BBX: variants seen among roughly 807,000 people sequenced by gnomAD.
BBX encodes the protein BBX high mobility group box domain containing, also known as HMG box transcription factor BBX.
In BBX, 30 loss-of-function variants were observed where a neutral mutation model predicts 100.2. The ratio of observed to expected loss-of-function variants is 0.30; its 90% CI spans 0.22 to 0.41. The LOEUF is 0.41. BBX is among the 10% of genes least tolerant of loss of function. BBX has a pLI of 1.00. For synonymous variants in BBX, 376 were observed against 388.1 expected (o/e 0.97, Z 0.37); for missense variants, 1,023 against 1,129.8 (o/e 0.91, Z 1.35).
chr3:107,597,428 A>C (rs1383219605), intron 2 of BBX, among the ~76,000 whole-genome samples: 2 of 152,220 alleles, frequency 1.3e-5, no homozygotes, highest in Non-Finnish European at 2.9e-5. Flanking sequence ...GCTTTGAAAA[A>C]TATTAGAGAT....
chr3:107,661,985 A>G (rs914797519), intron 3 of BBX: 3 of 827,008 alleles, frequency 3.6e-6, no homozygotes, highest in Non-Finnish European at 4.4e-6. Context: ...CTGTTCACGC[A>G]GCATAGTTGG....
intron 3 of BBX, among the ~76,000 whole-genome samples, chr3:107,686,787 G>A (rs2059875130): frequency 6.6e-6 from 1 of 152,090 alleles, no homozygotes; most frequent in Non-Finnish European, 1.5e-5. Flanking sequence ...CAGTTGTGGT[G>A]TTCACATTTT....
intron 2 of BBX, among the ~76,000 whole-genome samples, chr3:107,639,611 A>T (rs192931958): frequency 1.3e-5 from 2 of 152,120 alleles, no homozygotes; most frequent in South Asian, 4.2e-4. Context: ...CATTGATACA[A>T]TTCATAGGAG....
chr3:107,750,277 A>G (rs1044203956), intron 9 of BBX, among the ~76,000 whole-genome samples: 2 of 152,200 alleles, frequency 1.3e-5, no homozygotes, highest in African/African-American at 4.8e-5. Context: ...GCTATAAAGT[A>G]TATGCAGGAT....
chr3:107,594,227 C>T lies in BBX; in HGVS notation c.-83-51609C>T, dbSNP rs950928287. Among the ~76,000 whole-genome samples, 7 of 152,240 alleles carry T rather than the reference C, an allele frequency of 4.6e-5. No individual in the cohort carries two copies. In the South Asian group the frequency reaches 1.5e-3, roughly 32 times the overall value. On this transcript the variant is annotated intron_variant, in intron 2 of 17. Coordinates refer to ENST00000325805, the MANE Select transcript of BBX (RefSeq NM_001142568.3). ...GGCTGTTTCCCTTTCCTCCCCCTGT[C>T]TAGTAGCTGATATTTTTTCACGTTC...
chr3:107,739,563 C>T (rs1226092302), intron 7 of BBX, among the ~76,000 whole-genome samples: 8 of 152,136 alleles, frequency 5.3e-5, no homozygotes, highest in African/African-American at 1.4e-4. Flanking sequence ...ACACATCCTC[C>T]GTAAGTCCCT....
chr3:107,648,434 A>T (rs2057653338), intron 3 of BBX, among the ~76,000 whole-genome samples: 1 of 152,188 alleles, frequency 6.6e-6, no homozygotes, highest in South Asian at 2.1e-4. Context: ...TGATACTTAA[A>T]ATAATTCTTT....
chr3:107,785,083 G>T (rs574821011), intron 13 of BBX, among the ~76,000 whole-genome samples: 7 of 149,774 alleles, frequency 4.7e-5, no homozygotes, highest in African/African-American at 1.7e-4. Context: ...TTCCTAAAAA[G>T]ACACAAACTA....
intron 3 of BBX, among the ~76,000 whole-genome samples, chr3:107,680,990 G>A (rs1014639940): frequency 4.6e-5 from 7 of 152,080 alleles, no homozygotes; most frequent in Admixed American, 2.6e-4. Context: ...GTACCATGGT[G>A]GCCCAGCATA....
chr3:107,694,831 C>G (rs531730115), intron 3 of BBX, among the ~76,000 whole-genome samples: 2 of 151,680 alleles, frequency 1.3e-5, no homozygotes, highest in Non-Finnish European at 2.9e-5. Context: ...GTCCTGGACT[C>G]TTTTTGGTTG....
intron 4 of BBX, chr3:107,711,217 C>T: frequency 4.8e-6 from 2 of 420,730 alleles, no homozygotes; most frequent in African/African-American, 2.1e-5. Context: ...CTTCATGGCA[C>T]TTATTGCTAT....
chr3:107,788,811 AAGAG>A, intron 13 of BBX, among the ~76,000 whole-genome samples: 1 of 152,198 alleles, frequency 6.6e-6, no homozygotes, highest in South Asian at 2.1e-4. Flanking sequence ...ACAGAATGGA[AAGAG>A]AGAAACTGGA....
chr3:107,633,776 C>T (rs147585368), intron 2 of BBX, among the ~76,000 whole-genome samples: 5 of 152,302 alleles, frequency 3.3e-5, no homozygotes, highest in African/African-American at 9.6e-5. Flanking sequence ...ACCTCTGAAA[C>T]CACCATACAA....
intron 10 of BBX, among the ~76,000 whole-genome samples, chr3:107,768,769 G>C (rs935154463): frequency 1.3e-5 from 2 of 149,862 alleles, no homozygotes; most frequent in African/African-American, 4.9e-5. Context: ...TTAATCTCTG[G>C]GTCCCATTAA....
intron 13 of BBX, among the ~76,000 whole-genome samples, chr3:107,784,142 A>T (rs1436144740): frequency 6.6e-6 from 1 of 152,056 alleles, no homozygotes; most frequent in Non-Finnish European, 1.5e-5. Flanking sequence ...ACTGCCATCA[A>T]GATTACATTA....
chr3:107,672,349 C>T (rs929283486), intron 3 of BBX, among the ~76,000 whole-genome samples: 1 of 151,864 alleles, frequency 6.6e-6, no homozygotes, highest in African/African-American at 2.4e-5. Flanking sequence ...ATTTTATAAC[C>T]CTGTGATACA....
rs568942859 is a variant in BBX, at chr3:107,707,432, ATTGT to A, written c.-9-3015_-9-3012del. ...ACAATTTGGCACAGGAGTTTGTGTC[ATTGT>A]TTGTGACAATCCTCACAACTAACTG... On this transcript the variant is annotated intron_variant, in intron 3 of 17. Coordinates refer to ENST00000325805, the MANE Select transcript of BBX (RefSeq NM_001142568.3). 5.6e-3 allele frequency among the ~76,000 whole-genome samples: 848 copies of A among 152,350 alleles called. 7 individuals carry two copies. Among genetic ancestry groups the A allele is most frequent in the African/African-American group, 0.019 (808 of 41,574 alleles).
intron 9 of BBX, among the ~76,000 whole-genome samples, chr3:107,748,284 G>T (rs551293003): frequency 6.6e-6 from 1 of 152,262 alleles, no homozygotes; most frequent in Admixed American, 6.5e-5. Context: ...TACCAGTAAT[G>T]TGTTTATTTC....
At chr3:107,619,334 T>C (rs916884497) in intron 2 of BBX, among the ~76,000 whole-genome samples, 19 of 152,146 alleles carry the variant, frequency 1.2e-4, no homozygotes, top group Non-Finnish European at 2.5e-4. Flanking sequence ...CCACTGCCAG[T>C]CTGACTTTTA....
Sources: allele counts gnomAD v4.1 joint callset (sites outside exome capture counted in the v4.1 genomes callset), GRCh38; gene constraint gnomAD v4.1.1; transcripts MANE v1.5; gene names NCBI Gene and HGNC (gene_info 2026-07-23, HGNC 2026-07-21).